The following GLDC variants were observed in gnomAD, a reference collection of about 807,000 sequenced individuals.
GLDC encodes glycine decarboxylase, also known as glycine dehydrogenase (decarboxylating), mitochondrial.
GLDC carries 104 observed loss-of-function variants against 121.3 expected under a neutral mutation model. The ratio of observed to expected loss-of-function variants is 0.86; its 90% CI spans 0.73 to 1.01. The LOEUF is 1.01. Ranked by LOEUF, GLDC falls within the 50% of genes least tolerant of loss-of-function variation. The pLI is 0.00. For missense variants in GLDC, 1,429 were observed against 1,306.6 expected (o/e 1.09, Z -1.44); for synonymous variants, 546 against 480.6 (o/e 1.14, Z -1.78).
rs6477095 is a variant in GLDC at position 6,595,412 on chromosome 9, T to C, written c.1156-293A>G. Among the ~76,000 whole-genome samples, 3,134 of 152,258 alleles carry C rather than the reference T, an allele frequency of 0.021. 113 individuals carry two copies. Among genetic ancestry groups the C allele is most frequent in the African/African-American group, 0.069 (2,859 of 41,530 alleles). On this transcript the variant is annotated intron_variant, in intron 8 of 24. Coordinates refer to ENST00000321612, the MANE Select transcript of GLDC (RefSeq NM_000170.3). ...TCACCCTTAAGGGCAAAGATCACAC[T>C]ACCATCAGACATTGAGAAGCAATGT... is the stretch of plus-strand genomic sequence containing the variant.
chr9:6,608,670 C>T (rs1818788216), intron 4 of GLDC, among the ~76,000 whole-genome samples: 1 of 152,098 alleles, frequency 6.6e-6, no homozygotes, highest in South Asian at 2.1e-4. Context: ...GGCGTGAACC[C>T]GGGAGGCGGA....
intron 15 of GLDC, among the ~76,000 whole-genome samples, chr9:6,570,004 G>A (rs1817926889): frequency 6.6e-6 from 1 of 152,134 alleles, no homozygotes; most frequent in Non-Finnish European, 1.5e-5. Context: ...AAACATCGTG[G>A]CTAACTTTAT....
At chr9:6,605,709 A>AC (rs1445290506) in intron 5 of GLDC, among the ~76,000 whole-genome samples, 3 of 151,974 alleles carry the variant, frequency 2.0e-5, no homozygotes, top group South Asian at 2.1e-4. Flanking sequence ...TATGTCAGAA[A>AC]CCCCCCCTCT....
intron 8 of GLDC, among the ~76,000 whole-genome samples, chr9:6,601,172 C>T (rs897634974): frequency 6.6e-6 from 1 of 151,436 alleles, no homozygotes; most frequent in Non-Finnish European, 1.5e-5. Flanking sequence ...AACTCTGTCT[C>T]GAAAAAACAA....
At chr9:6,559,660 C>T (rs1304278861) in intron 16 of GLDC, among the ~76,000 whole-genome samples, 6 of 150,710 alleles carry the variant, frequency 4.0e-5, no homozygotes, top group Non-Finnish European at 8.8e-5. Context: ...ATTAAAAATA[C>T]AAAAATTAGC....
chr9:6,611,480 C>T (rs544911517), intron 3 of GLDC, among the ~76,000 whole-genome samples: 8 of 151,926 alleles, frequency 5.3e-5, no homozygotes, highest in Non-Finnish European at 1.0e-4. Flanking sequence ...CGCTTGAACC[C>T]GCGGGGCGGA....
At position 6,543,354 on chromosome 9, in the gene GLDC, G is replaced by C. The variant is rs773553494; in HGVS notation, c.2570-3208C>G. Among the ~76,000 whole-genome samples the C allele has an allele frequency of 2.6e-5, 4 of 152,152 alleles. 1 individual carries two copies. The highest frequency in any genetic ancestry group is 6.5e-5 in the Admixed American group (1 of 15,270). ...AAGCTCACTGCTCGGAATGACACCA[G>C]ACAGCAGGGAGGGGAGGAGGGGAGA... On this transcript the variant is annotated intron_variant, in intron 21 of 24. Transcript: ENST00000321612.
At chr9:6,537,716 C>T (rs1397564671) in intron 22 of GLDC, among the ~76,000 whole-genome samples, 1 of 151,934 alleles carries the variant, frequency 6.6e-6, no homozygotes, top group East Asian at 1.9e-4. Context: ...AGGAGGTGAG[C>T]CTGCAGTAAG....
chr9:6,571,814 T>TA (rs1245538467), intron 15 of GLDC, among the ~76,000 whole-genome samples: 3 of 152,212 alleles, frequency 2.0e-5, no homozygotes, highest in African/African-American at 7.2e-5. Context: ...GGGACTATCA[T>TA]ATATAGCTAC....
chr9:6,573,529 G>A (rs910604879), intron 15 of GLDC, among the ~76,000 whole-genome samples: 1 of 152,046 alleles, frequency 6.6e-6, no homozygotes, highest in South Asian at 2.1e-4. Flanking sequence ...CAGTGCAGAA[G>A]GGTTATAAAG....
chr9:6,631,837 G>C (rs1819388624), intron 2 of GLDC, among the ~76,000 whole-genome samples: 2 of 152,198 alleles, frequency 1.3e-5, no homozygotes, highest in Admixed American at 6.5e-5. Context: ...GAGGCTAAGG[G>C]AGGAGGATGT....
At chr9:6,583,660 A>G (rs1036852352) in intron 15 of GLDC, among the ~76,000 whole-genome samples, 1 of 152,204 alleles carries the variant, frequency 6.6e-6, no homozygotes, top group Non-Finnish European at 1.5e-5. Flanking sequence ...TGAGCAAAAG[A>G]ATGAGACCCT....
Position 6,565,434 on chromosome 9 carries a change from C to G in GLDC, c.1851-5G>C, listed in dbSNP as rs1211179538. ...GCATATTCTCCCTGGGCTCCGCTTG[C>G]AAAGACAAGAAGAAAGGGATCACGG... On this transcript the variant is annotated splice_region_variant and splice_polypyrimidine_tract_variant and intron_variant, in intron 15 of 24. Transcript: ENST00000321612. 1 of 1,610,654 alleles carries G rather than the reference C, an allele frequency of 6.2e-7. No homozygotes were observed. The highest frequency in any genetic ancestry group is 1.1e-5 in the South Asian group (1 of 90,994).
intron 15 of GLDC, among the ~76,000 whole-genome samples, chr9:6,577,793 G>A (rs928402593): frequency 1.3e-5 from 2 of 150,638 alleles, no homozygotes; most frequent in Admixed American, 6.6e-5. Flanking sequence ...CTCCTCTCCT[G>A]CTCCCCATCT....
intron 2 of GLDC, chr9:6,622,809 C>G (rs1202534629): frequency 9.7e-5 from 22 of 227,702 alleles, no homozygotes; most frequent in African/African-American, 4.3e-4. Flanking sequence ...GCGCCTCTTC[C>G]GGGCCGCCAT....
intron 17 of GLDC, 80 bp from the exon 18 acceptor site, chr9:6,556,382 A>C (rs537156634): frequency 8.6e-7 from 1 of 1,167,358 alleles, no homozygotes; most frequent in East Asian, 2.3e-5. Context: ...TTTCATTTTA[A>C]AGGATGAAGA....
intron 2 of GLDC, among the ~76,000 whole-genome samples, chr9:6,642,265 C>T (rs924047566): frequency 6.6e-6 from 1 of 152,168 alleles, no homozygotes; most frequent in African/African-American, 2.4e-5. Context: ...CATGGTGGCT[C>T]ATGCCTGTAA....
In GLDC at chr9:6,562,319, G is replaced by C. The variant is rs184874752; in HGVS notation, c.1926+3035C>G. ...GAAAATGTGAAAATAACTTCAAAAA[G>C]CAGCTTGAAAGAAAAGACCCATCAG... On this transcript the variant is annotated intron_variant, in intron 16 of 24. Coordinates refer to ENST00000321612, the MANE Select transcript of GLDC (RefSeq NM_000170.3). 3.8e-3 allele frequency among the ~76,000 whole-genome samples: 575 copies of C among 152,200 alleles called. 2 individuals are homozygous for C. Among genetic ancestry groups the C allele is most frequent in the Non-Finnish European group, 6.2e-3 (422 of 68,006 alleles).
rs55988287 is a variant in GLDC at position 6,644,050 on chromosome 9, A to AAAAAC, written c.334+563_334+564insGTTTT. Among the ~76,000 whole-genome samples, 43 of 92,726 alleles carry AAAAAC rather than the reference A, an allele frequency of 4.6e-4. 5 individuals are homozygous for AAAAAC. The highest frequency in any genetic ancestry group is 2.0e-3 in the South Asian group (5 of 2,560). 60.8% of individuals were successfully genotyped at this position (92,726 alleles called of 152,430 possible). ...GTCTCAAAAAAAAAAAAAAAAAAAAACGAAAAAAAAAAGAAAAGAAAAGAA... is the reference window on the plus strand; with the variant it reads ...GTCTCAAAAAAAAAAAAAAAAAAAAAAAAACCGAAAAAAAAAAGAAAAGAAAAGAA... On this transcript the variant is annotated intron_variant, in intron 2 of 24. Coordinates refer to ENST00000321612, the MANE Select transcript of GLDC (RefSeq NM_000170.3).
Sources: allele counts gnomAD v4.1 joint callset (sites outside exome capture counted in the v4.1 genomes callset), GRCh38; gene constraint gnomAD v4.1.1; transcripts MANE v1.5; gene names NCBI Gene and HGNC (gene_info 2026-07-23, HGNC 2026-07-21).